Variants in AKAP19 observed in about 807,000 individuals in gnomAD.
AKAP19 encodes small A-kinase anchoring protein.
At chr2:189,903,191 G>C in the AKAP19 span, among the ~76,000 whole-genome samples, 2 of 151,740 alleles carry the variant, frequency 1.3e-5, no homozygotes, top group Non-Finnish European at 2.9e-5. Flanking sequence ...TTTCTTGAGA[G>C]GTATGAAAAC....
chr2:190,147,959 C>T, the AKAP19 span, among the ~76,000 whole-genome samples: 5 of 152,284 alleles, frequency 3.3e-5, no homozygotes, highest in African/African-American at 1.2e-4. Context: ...CAAACAGTGA[C>T]AGTTTGACTT....
chr2:190,100,250 T>TAA, the AKAP19 span, among the ~76,000 whole-genome samples: 7 of 151,050 alleles, frequency 4.6e-5, no homozygotes, highest in African/African-American at 1.5e-4. Context: ...CTGCAAGAAA[T>TAA]AAAAAAAAAC....
chr2:190,186,753 GA>G, the AKAP19 span, among the ~76,000 whole-genome samples: 1 of 152,172 alleles, frequency 6.6e-6, no homozygotes, highest in African/African-American at 2.4e-5. The surrounding 1 kb of genome is among the most constrained non-coding windows in gnomAD (Gnocchi z 5.5). Context: ...AGCCCTACAA[GA>G]AAGTATATTC....
At chr2:189,979,916 A>G in the AKAP19 span, among the ~76,000 whole-genome samples, 7 of 152,222 alleles carry the variant, frequency 4.6e-5, no homozygotes, top group South Asian at 4.1e-4. Flanking sequence ...AAGGCAAAAA[A>G]TAACAGATTT....
the AKAP19 span, among the ~76,000 whole-genome samples, chr2:189,931,562 C>T: frequency 1.5e-4 from 23 of 152,066 alleles, no homozygotes; most frequent in Admixed American, 5.2e-4. Context: ...GACAGGGTCT[C>T]GCTATGTTCC....
chr2:189,991,805 T>C, the AKAP19 span, among the ~76,000 whole-genome samples: 2 of 152,188 alleles, frequency 1.3e-5, no homozygotes, highest in South Asian at 4.1e-4. Flanking sequence ...TTTGAAGTTA[T>C]CTTCTAGAAT....
the AKAP19 span, among the ~76,000 whole-genome samples, chr2:190,158,800 G>C: frequency 2.6e-5 from 4 of 152,166 alleles, no homozygotes; most frequent in African/African-American, 7.2e-5. Context: ...ATGATCACAG[G>C]GCAGAAGCCT....
chr2:189,977,304 C>G, the AKAP19 span, among the ~76,000 whole-genome samples: 14 of 147,306 alleles, frequency 9.5e-5, no homozygotes, highest in African/African-American at 3.5e-4. Context: ...AGCCACTCTC[C>G]TTGCCCTAAT....
At chr2:190,201,922 C>T in the AKAP19 span, 1 of 166,942 alleles carries the variant, frequency 6.0e-6, no homozygotes, top group African/African-American at 2.4e-5. Context: ...ATTCATTTTG[C>T]ATCTCACACC....
chr2:190,100,377 T>C, the AKAP19 span, among the ~76,000 whole-genome samples: 1 of 152,226 alleles, frequency 6.6e-6, no homozygotes, highest in Non-Finnish European at 1.5e-5. Context: ...TGTTTTGGTT[T>C]GGTTTGCTTT....
chr2:190,094,120 GT>G, the AKAP19 span, among the ~76,000 whole-genome samples: 1 of 152,234 alleles, frequency 6.6e-6, no homozygotes, highest in South Asian at 2.1e-4. Context: ...CTCCCACTAT[GT>G]GGGAAAAGAT....
the AKAP19 span, among the ~76,000 whole-genome samples, chr2:189,888,495 G>C: frequency 6.6e-6 from 1 of 151,834 alleles, no homozygotes; most frequent in Non-Finnish European, 1.5e-5. Flanking sequence ...ATGGTAGCTT[G>C]ATGGGGATAG....
chr2:190,008,615 C>T, the AKAP19 span, among the ~76,000 whole-genome samples: 6 of 152,052 alleles, frequency 3.9e-5, no homozygotes, highest in Admixed American at 2.0e-4. Flanking sequence ...AAAATCCCAG[C>T]TTATGCACAG....
the AKAP19 span, among the ~76,000 whole-genome samples, chr2:189,892,744 AGCAGAGCTTGAGT>A: frequency 6.6e-6 from 1 of 152,206 alleles, no homozygotes; most frequent in Admixed American, 6.5e-5. Flanking sequence ...TCTGCCCATT[AGCAGAGCTTGAGT>A]GCTGTGCTGG....
the AKAP19 span, among the ~76,000 whole-genome samples, chr2:190,019,063 GC>G: frequency 7.9e-5 from 12 of 152,202 alleles, no homozygotes; most frequent in African/African-American, 2.7e-4. Flanking sequence ...TGCAGGCTAG[GC>G]CCTAAGGCTA....
the AKAP19 span, among the ~76,000 whole-genome samples, chr2:189,932,846 T>G: frequency 1.7e-4 from 26 of 152,290 alleles, no homozygotes; most frequent in African/African-American, 6.3e-4. Flanking sequence ...TTGTTTTACA[T>G]TATTGGTAAC....
the AKAP19 span, among the ~76,000 whole-genome samples, chr2:189,988,973 A>G: frequency 2.0e-5 from 3 of 152,236 alleles, no homozygotes; most frequent in Admixed American, 2.0e-4. Context: ...GATGAGGACA[A>G]CATCCTGGCA....
At chr2:190,107,877 C>T in the AKAP19 span, among the ~76,000 whole-genome samples, 1 of 152,150 alleles carries the variant, frequency 6.6e-6, no homozygotes, top group African/African-American at 2.4e-5. Context: ...GATCAGAGTC[C>T]AGTGCCTTCC....
chr2:189,968,545 G>C, the AKAP19 span, among the ~76,000 whole-genome samples: 1 of 152,154 alleles, frequency 6.6e-6, no homozygotes, highest in African/African-American at 2.4e-5. Flanking sequence ...TGGGCTAAAT[G>C]CTGTAGTTAC....
Sources: allele counts gnomAD v4.1 joint callset (sites outside exome capture counted in the v4.1 genomes callset), GRCh38; gene constraint gnomAD v4.1.1; non-coding constraint Gnocchi (gnomAD v3.1); transcripts MANE v1.5; gene names NCBI Gene and HGNC (gene_info 2026-07-23, HGNC 2026-07-21).